Variants in NREP observed in about 807,000 individuals in gnomAD.
NREP encodes the protein neuronal regeneration related protein.
NREP carries 5 observed loss-of-function variants against 8.6 expected under a neutral mutation model. The observed-to-expected ratio is 0.58, with a 90% CI of 0.30 to 1.22. The LOEUF is 1.22. Ranked by LOEUF, NREP falls within the 50% of genes most tolerant of loss-of-function variation. The pLI, the probability that NREP is intolerant of heterozygous loss-of-function variation, is 0.07. For synonymous variants in NREP, 27 were observed against 28.0 expected (o/e 0.96, Z 0.11); for missense variants, 86 against 82.5 (o/e 1.04, Z -0.17).
At chr5:111,737,650 G>A (rs530617127) in intron 2 of NREP, among the ~76,000 whole-genome samples, 1 of 150,606 alleles carries the variant, frequency 6.6e-6, no homozygotes, top group African/African-American at 2.5e-5. Context: ...GGGGAAAATA[G>A]CTTGCCTTTC....
chr5:111,744,662 G>T (rs1014767333), intron 2 of NREP, among the ~76,000 whole-genome samples: 2 of 152,032 alleles, frequency 1.3e-5, no homozygotes, highest in Admixed American at 1.3e-4. Flanking sequence ...GATTCAGTCC[G>T]GCAGTACCAT....
intron 2 of NREP, among the ~76,000 whole-genome samples, chr5:111,862,051 A>T (rs1415874370): frequency 1.3e-5 from 2 of 152,184 alleles, no homozygotes; most frequent in East Asian, 1.9e-4. Context: ...ATTAATTTTT[A>T]TCAATACGAT....
At chr5:111,931,455 C>T (rs186750915) in intron 2 of NREP, among the ~76,000 whole-genome samples, 2 of 152,134 alleles carry the variant, frequency 1.3e-5, no homozygotes, top group East Asian at 2.0e-4. Flanking sequence ...ACCTGCCAAT[C>T]GATAGTAGGT....
chr5:111,767,559 C>A (rs1204725665), intron 2 of NREP, among the ~76,000 whole-genome samples: 2 of 152,178 alleles, frequency 1.3e-5, no homozygotes, highest in Non-Finnish European at 2.9e-5. Context: ...GTCTCACGTC[C>A]ACGTACTCCA....
chr5:111,740,037 G>A (rs946760585), intron 2 of NREP, among the ~76,000 whole-genome samples: 1 of 151,780 alleles, frequency 6.6e-6, no homozygotes, highest in Non-Finnish European at 1.5e-5. Flanking sequence ...GTAGAGGGAA[G>A]GAAAATTTTG....
intron 2 of NREP, among the ~76,000 whole-genome samples, chr5:111,888,067 G>A (rs1754304364): frequency 6.6e-6 from 1 of 152,196 alleles, no homozygotes; most frequent in Non-Finnish European, 1.5e-5. Context: ...CTTAGAATGG[G>A]ATCCTGAAGG....
intron 2 of NREP, among the ~76,000 whole-genome samples, chr5:111,788,837 G>A (rs1014604411): frequency 1.3e-5 from 2 of 152,218 alleles, no homozygotes; most frequent in Non-Finnish European, 2.9e-5. Context: ...ACTGACTAAA[G>A]CAGATTGCCT....
At chr5:111,771,479 A>G (rs1751227095) in intron 2 of NREP, among the ~76,000 whole-genome samples, 1 of 151,626 alleles carries the variant, frequency 6.6e-6, no homozygotes, top group South Asian at 2.1e-4. Flanking sequence ...GCACACTTGA[A>G]CATTTATGTG....
rs114150756 is a variant in NREP, at chr5:111,776,213, C to T, written c.136-40706G>A. Among the ~76,000 whole-genome samples the T allele has an allele frequency of 2.6e-3, 396 of 152,154 alleles. 1 individual carries two copies. The highest frequency in any genetic ancestry group is 9.3e-3 in the African/African-American group (386 of 41,540). ...TGTCATAATTTTTCCTCTAGATAAACTTGTATATGTGCAAGATAATTTATG... is the reference window on the plus strand; with the variant it reads ...TGTCATAATTTTTCCTCTAGATAAATTTGTATATGTGCAAGATAATTTATG... On this transcript the variant is annotated intron_variant, in intron 2 of 3. Coordinates refer to the NREP transcript ENST00000395634.
At chr5:111,943,770 C>T (rs1053190255) in intron 2 of NREP, among the ~76,000 whole-genome samples, 1 of 152,058 alleles carries the variant, frequency 6.6e-6, no homozygotes, top group Non-Finnish European at 1.5e-5. Context: ...AATAAATAAG[C>T]CATACTTAAT....
At chr5:111,763,737 A>C (rs1751017152) in intron 2 of NREP, among the ~76,000 whole-genome samples, 3 of 150,270 alleles carry the variant, frequency 2.0e-5, no homozygotes, top group Admixed American at 1.3e-4. Context: ...ATTATTTTAA[A>C]ATCCCAGTAC....
chr5:111,784,565 G>C (rs1217254796), intron 2 of NREP, among the ~76,000 whole-genome samples: 1 of 152,170 alleles, frequency 6.6e-6, no homozygotes, highest in East Asian at 1.9e-4. Flanking sequence ...ACTATTGATA[G>C]TTTTTGAGAA....
chr5:111,785,513 C>T (rs964935261), intron 2 of NREP, among the ~76,000 whole-genome samples: 1 of 152,138 alleles, frequency 6.6e-6, no homozygotes, highest in Admixed American at 6.5e-5. Context: ...CTCCTGGCCT[C>T]ATGATCTGCC....
At chr5:111,932,638 C>T (rs1027090104) in intron 2 of NREP, among the ~76,000 whole-genome samples, 17 of 151,992 alleles carry the variant, frequency 1.1e-4, no homozygotes, top group African/African-American at 3.9e-4. Flanking sequence ...TATTTTATTA[C>T]TGCAGGAAAA....
chr5:111,864,501 A>ATCTTTT (rs2112486192), intron 2 of NREP, among the ~76,000 whole-genome samples: 1 of 152,298 alleles, frequency 6.6e-6, no homozygotes, highest in South Asian at 2.1e-4. Context: ...TTTGTATATA[A>ATCTTTT]TGGAAAGACA....
At chr5:111,886,208 A>G (rs2112525277) in intron 2 of NREP, among the ~76,000 whole-genome samples, 1 of 152,322 alleles carries the variant, frequency 6.6e-6, no homozygotes, top group South Asian at 2.1e-4. Context: ...GCAGCCAAAA[A>G]CCACATGAAA....
chr5:111,902,284 A>G (rs1754666056), intron 2 of NREP, among the ~76,000 whole-genome samples: 1 of 152,160 alleles, frequency 6.6e-6, no homozygotes, highest in Admixed American at 6.5e-5. Flanking sequence ...CTCGCCATCC[A>G]CAAAAATCAA....
chr5:111,885,733 A>G (rs1421907639), intron 2 of NREP, among the ~76,000 whole-genome samples: 3 of 152,222 alleles, frequency 2.0e-5, no homozygotes, highest in East Asian at 3.8e-4. Flanking sequence ...AGGATTCCCT[A>G]TTTAATAAAT....
At chr5:111,855,325 T>G (rs1434213403) in intron 2 of NREP, among the ~76,000 whole-genome samples, 1 of 152,206 alleles carries the variant, frequency 6.6e-6, no homozygotes, top group Non-Finnish European at 1.5e-5. Context: ...ATAAAATGCT[T>G]ATACATGATA....
Sources: allele counts gnomAD v4.1 joint callset (sites outside exome capture counted in the v4.1 genomes callset), GRCh38; gene constraint gnomAD v4.1.1; transcripts MANE v1.5; gene names NCBI Gene and HGNC (gene_info 2026-07-23, HGNC 2026-07-21).